Variants in TG observed in about 807,000 individuals in gnomAD.
The protein encoded by TG is thyroid hormones.
In TG, 270 loss-of-function variants were observed where a neutral mutation model predicts 324.7. The observed-to-expected ratio is 0.83, with a 90% CI of 0.75 to 0.92. The LOEUF is 0.92. Among genes scored for constraint, TG ranks in the 40% least tolerant of loss-of-function variants. The pLI is 0.00. For synonymous variants in TG, 1,401 were observed against 1,327.0 expected, an observed-to-expected ratio of 1.06 and a Z score of -1.21; for missense variants, 3,591 against 3,456.4, an observed-to-expected ratio of 1.04 and a Z score of -0.98.
intron 11 of TG, among the ~76,000 whole-genome samples, chr8:132,896,497 C>A (rs1027599348): frequency 6.6e-6 from 1 of 152,206 alleles, no homozygotes; most frequent in South Asian, 2.1e-4. Context: ...CAGATATTCC[C>A]GTTCTCCCTC....
At chr8:132,948,755 C>T (rs2130084742) in intron 26 of TG, 21 bp from the exon 27 acceptor site, 1 of 1,612,790 alleles carries the variant, frequency 6.2e-7, no homozygotes, top group Middle Eastern at 2.0e-4. Flanking sequence ...ACTGACCTCT[C>T]CTACCTCTTG....
intron 41 of TG, among the ~76,000 whole-genome samples, chr8:133,054,449 TG>T (rs1391598658): frequency 2.0e-5 from 3 of 152,214 alleles, no homozygotes; most frequent in Non-Finnish European, 2.9e-5. Context: ...TTAACTAATC[TG>T]AGCTTGATTT....
At chr8:132,952,114 C>T (rs999553787) in intron 27 of TG, among the ~76,000 whole-genome samples, 3 of 152,152 alleles carry the variant, frequency 2.0e-5, no homozygotes, top group Admixed American at 2.0e-4. Flanking sequence ...ATTTGAATTC[C>T]AGTGTGAATG....
In TG at chr8:132,887,333, G is replaced by T. The variant is rs748062103; in HGVS notation, c.1961G>T (p.Gly654Val). ...KELPGSRVRGGQPRCPTDCEK... is the reference protein window; with the variant it reads ...KELPGSRVRGVQPRCPTDCEK... The stretch of plus-strand genomic sequence containing the variant: ...CTTCCAGGCTCAAGAGTCAGAGGTG[G>T]ACAGCCAAGGTGCCCCACAGACTGT... Residue 654 changes from glycine (G) to valine (V), a missense_variant, in exon 9 of 48, where the codon GGA (glycine) becomes GTA (valine). Gly to Val is a moderately radical substitution (Grantham distance 109, BLOSUM62 -3). Coordinates refer to ENST00000220616, the MANE Select transcript of TG (RefSeq NM_003235.5). 1.2e-6 allele frequency: 2 copies of T among 1,611,354 alleles called. No homozygotes were observed. Among genetic ancestry groups the T allele is most frequent in the African/African-American group, 2.7e-5 (2 of 75,010 alleles).
At chr8:133,089,477 A>G (rs1377799110) in intron 41 of TG, among the ~76,000 whole-genome samples, 3 of 152,198 alleles carry the variant, frequency 2.0e-5, no homozygotes. Context: ...AAAAGCCTTT[A>G]TGGATTCCTC....
chr8:132,930,344 T>C (rs1822517474), intron 23 of TG, among the ~76,000 whole-genome samples: 1 of 152,164 alleles, frequency 6.6e-6, no homozygotes, highest in African/African-American at 2.4e-5. Flanking sequence ...ACAGGGATTG[T>C]CATATACCTG....
intron 34 of TG, among the ~76,000 whole-genome samples, chr8:132,979,895 C>G (rs530983343): frequency 4.6e-5 from 7 of 152,132 alleles, no homozygotes; most frequent in African/African-American, 7.2e-5. Context: ...CTTCAGATAC[C>G]AATCACAAGC....
rs766615768 is a variant in TG, at chr8:133,131,904, C to T, written c.7955C>T (p.Ser2652Leu). Residue 2652 changes from serine to leucine, a missense_variant, in exon 46 of 48, where the codon TCG becomes TTG. By Grantham distance (145) the Ser-to-Leu change is moderately radical (BLOSUM62 -2). Coordinates refer to ENST00000220616, the MANE Select transcript of TG (RefSeq NM_003235.5). ...GQFSLEEKSL[S>L]LKIMQYFSHF... ...TTTTCTCTGGAGGAGAAGAGCCTGTCGCTGAAAATCATGCAGTACTTTTCC... is the reference window on the plus strand; with the variant it reads ...TTTTCTCTGGAGGAGAAGAGCCTGTTGCTGAAAATCATGCAGTACTTTTCC... 17 of 1,614,010 alleles carry T rather than the reference C, an allele frequency of 1.1e-5. No individual in the cohort carries two copies. Among genetic ancestry groups the T allele is most frequent in the African/African-American group, 6.7e-5 (5 of 74,902 alleles).
intron 35 of TG, among the ~76,000 whole-genome samples, chr8:132,989,699 G>A (rs767692507): frequency 3.0e-4 from 45 of 152,186 alleles, no homozygotes; most frequent in Non-Finnish European, 5.9e-4. Flanking sequence ...GCCTTTGCCT[G>A]TGCCCGTGGG....
chr8:133,001,428 A>G (rs1156982866), intron 35 of TG, among the ~76,000 whole-genome samples: 1 of 152,150 alleles, frequency 6.6e-6, no homozygotes, highest in Non-Finnish European at 1.5e-5. Context: ...AGTGTAAAGA[A>G]TTTCTCCTGG....
At chr8:133,066,075 G>GT (rs761231338) in intron 41 of TG, among the ~76,000 whole-genome samples, 43 of 152,204 alleles carry the variant, frequency 2.8e-4, no homozygotes, top group Non-Finnish European at 5.6e-4. Context: ...TTTAAAAGCT[G>GT]TTACTTAGGA....
chr8:133,120,508 C>G (rs2131798836), intron 45 of TG, among the ~76,000 whole-genome samples: 1 of 152,316 alleles, frequency 6.6e-6, no homozygotes, highest in East Asian at 1.9e-4. Context: ...GCATGCTCCC[C>G]CTGTAGGTGC....
intron 37 of TG, among the ~76,000 whole-genome samples, chr8:133,016,242 A>G (rs923705617): frequency 6.6e-6 from 1 of 152,196 alleles, no homozygotes; most frequent in African/African-American, 2.4e-5. Flanking sequence ...CATGATACCC[A>G]GGCTTCTCAA....
chr8:132,957,014 T>C (rs2130255631), intron 27 of TG, among the ~76,000 whole-genome samples: 1 of 151,998 alleles, frequency 6.6e-6, no homozygotes, highest in East Asian at 1.9e-4. Flanking sequence ...TGAGTTTGGG[T>C]GTAGGGATGG....
chr8:133,099,447 C>T (rs1848921207), intron 43 of TG, among the ~76,000 whole-genome samples: 1 of 152,212 alleles, frequency 6.6e-6, no homozygotes, highest in South Asian at 2.1e-4. Flanking sequence ...GCTCACAGCT[C>T]AGTGCCACTG....
At chr8:132,995,363 C>T (rs1832773256) in intron 35 of TG, 3 of 985,128 alleles carry the variant, frequency 3.0e-6, no homozygotes, top group Non-Finnish European at 3.6e-6. Flanking sequence ...AGATCAGACA[C>T]AGGTCTCTAA....
intron 27 of TG, among the ~76,000 whole-genome samples, chr8:132,957,294 A>G (rs2130260303): frequency 6.6e-6 from 1 of 152,288 alleles, no homozygotes; most frequent in South Asian, 2.1e-4. Flanking sequence ...TTGTGTTGAA[A>G]CAGGCAAAAA....
intron 35 of TG, among the ~76,000 whole-genome samples, chr8:133,009,395 T>C (rs1369155613): frequency 6.6e-6 from 1 of 152,114 alleles, no homozygotes; most frequent in Non-Finnish European, 1.5e-5. Flanking sequence ...GGAAGACACA[T>C]CTCCTGAGTC....
At chr8:132,984,946 A>G (rs1831339044) in intron 35 of TG, among the ~76,000 whole-genome samples, 1 of 151,904 alleles carries the variant, frequency 6.6e-6, no homozygotes, top group Admixed American at 6.6e-5. Flanking sequence ...AAAAAAAAAA[A>G]AAAGCAAAAC....
Sources: gnomAD v4.1 joint callset for allele counts (sites outside exome capture counted in the v4.1 genomes callset) on GRCh38, gnomAD v4.1.1 for gene constraint, MANE v1.5 for transcripts, NCBI Gene and HGNC (gene_info 2026-07-23, HGNC 2026-07-21) for gene names.